Variants in PRKN observed in about 807,000 individuals in gnomAD.
PRKN encodes parkin RBR E3 ubiquitin protein ligase.
A neutral mutation model predicts 59.5 loss-of-function variants in PRKN; 56 were observed. The ratio of observed to expected loss-of-function variants is 0.94; its 90% CI spans 0.76 to 1.18. PRKN has a LOEUF of 1.18. Ranked by LOEUF, PRKN falls within the 50% of genes most tolerant of loss-of-function variation. PRKN has a pLI of 0.00. For synonymous variants in PRKN, 250 were observed against 222.1 expected (o/e 1.13, Z -1.12); for missense variants, 657 against 596.4 (o/e 1.10, Z -1.06).
intron 9 of PRKN, among the ~76,000 whole-genome samples, chr6:161,455,195 T>C (rs1431667731): frequency 6.6e-5 from 10 of 151,944 alleles, no homozygotes; most frequent in Admixed American, 6.6e-4. Flanking sequence ...CCTGCCACCA[T>C]GCCCGACTAA....
intron 1 of PRKN, among the ~76,000 whole-genome samples, chr6:162,702,502 C>CT (rs888484185): frequency 1.1e-4 from 17 of 152,136 alleles, no homozygotes; most frequent in Admixed American, 3.3e-4. Flanking sequence ...TCCCTACCTA[C>CT]TATCTTGATT....
chr6:162,374,225 A>G (rs961018419), intron 2 of PRKN, among the ~76,000 whole-genome samples: 2 of 152,184 alleles, frequency 1.3e-5, no homozygotes, highest in Non-Finnish European at 2.9e-5. Context: ...TCACTATTAT[A>G]AACATATTCA....
intron 6 of PRKN, among the ~76,000 whole-genome samples, chr6:161,808,495 A>G (rs1791428099): frequency 6.6e-6 from 1 of 152,212 alleles, no homozygotes; most frequent in Admixed American, 6.5e-5. Context: ...GTGTGTGTTG[A>G]AAGACACAGA....
intron 7 of PRKN, among the ~76,000 whole-genome samples, chr6:161,784,057 T>G (rs1790316732): frequency 6.6e-6 from 1 of 152,194 alleles, no homozygotes; most frequent in African/African-American, 2.4e-5. Context: ...AAATTAAGTT[T>G]TGAAGAATTA....
intron 3 of PRKN, among the ~76,000 whole-genome samples, chr6:162,243,563 T>C (rs1174107219): frequency 1.3e-5 from 2 of 152,168 alleles, no homozygotes; most frequent in South Asian, 2.1e-4. Context: ...ACGAGTTTAA[T>C]AGAGGTTTCT....
At chr6:162,430,523 G>A (rs914114474) in intron 2 of PRKN, among the ~76,000 whole-genome samples, 2 of 152,064 alleles carry the variant, frequency 1.3e-5, no homozygotes, top group African/African-American at 4.8e-5. Context: ...ATAAAAGACC[G>A]TTGAGTGAAC....
At chr6:162,104,564 C>T (rs908589747) in intron 4 of PRKN, among the ~76,000 whole-genome samples, 1 of 152,098 alleles carries the variant, frequency 6.6e-6, no homozygotes, top group South Asian at 2.1e-4. Context: ...GCTTCTCAGA[C>T]TCTGACGTGC....
chr6:162,167,440 A>G (rs934913524), intron 4 of PRKN, among the ~76,000 whole-genome samples: 1 of 152,160 alleles, frequency 6.6e-6, no homozygotes, highest in Non-Finnish European at 1.5e-5. Context: ...GAAGTGTGCT[A>G]TTGTTTTTAT....
chr6:162,113,949 C>A (rs1780554547), intron 4 of PRKN, among the ~76,000 whole-genome samples: 1 of 151,920 alleles, frequency 6.6e-6, no homozygotes, highest in Admixed American at 6.6e-5. Context: ...CCAGTTTTCC[C>A]AGCACCATTT....
chr6:161,912,899 G>A (rs185556200), intron 6 of PRKN, among the ~76,000 whole-genome samples: 105 of 152,212 alleles, frequency 6.9e-4, no homozygotes, highest in African/African-American at 2.1e-3. Context: ...GGGATAGGCC[G>A]GGTGCGGTGG....
chr6:162,313,414 A>ATGTGTC (rs1782611732), intron 2 of PRKN, among the ~76,000 whole-genome samples: 1 of 152,090 alleles, frequency 6.6e-6, no homozygotes, highest in Admixed American at 6.5e-5. Flanking sequence ...TTGTTGCTGC[A>ATGTGTC]TGTGTCAGGA....
intron 9 of PRKN, among the ~76,000 whole-genome samples, chr6:161,387,840 C>A (rs564154207): frequency 6.6e-6 from 1 of 152,220 alleles, no homozygotes; most frequent in Admixed American, 6.5e-5. Context: ...TTAGGGGAGG[C>A]CTTCTTCAAT....
At chr6:162,356,331 C>A (rs1477898978) in intron 2 of PRKN, among the ~76,000 whole-genome samples, 1 of 151,796 alleles carries the variant, frequency 6.6e-6, no homozygotes, top group Admixed American at 6.6e-5. Flanking sequence ...TCATAGCCGT[C>A]CCCCCACCCC....
Position 161,560,791 on chromosome 6 carries a change from G to A in PRKN, c.933+8564C>T, listed in dbSNP as rs558786244. Among the ~76,000 whole-genome samples the A allele has an allele frequency of 9.6e-4, 146 of 152,220 alleles. No homozygotes were observed. The highest frequency in any genetic ancestry group is 3.5e-3 in the African/African-American group (145 of 41,530). The stretch of plus-strand genomic sequence containing the variant: ...TTAAATTCTTCAACTTCATCAAGAC[G>A]TCTAATTAATTGGCCCCATATTTCC... On this transcript the variant is annotated intron_variant, in intron 8 of 11. Transcript: ENST00000366898. This position sits in a 1 kb window ranked among gnomAD's most constrained non-coding sequence, Gnocchi z 4.9.
intron 6 of PRKN, among the ~76,000 whole-genome samples, chr6:161,969,720 T>C (rs1316023969): frequency 1.3e-5 from 2 of 152,170 alleles, no homozygotes; most frequent in Non-Finnish European, 1.5e-5. Context: ...AGAAACTATA[T>C]TTACAGATAA....
At chr6:161,836,581 G>T (rs1792765497) in intron 6 of PRKN, among the ~76,000 whole-genome samples, 1 of 152,178 alleles carries the variant, frequency 6.6e-6, no homozygotes, top group Non-Finnish European at 1.5e-5. Flanking sequence ...ATTCTACACT[G>T]TGATTTTCTA....
chr6:161,876,659 T>C (rs1207877900), intron 6 of PRKN, among the ~76,000 whole-genome samples: 1 of 152,180 alleles, frequency 6.6e-6, no homozygotes, highest in Non-Finnish European at 1.5e-5. Flanking sequence ...CATCCAAGAT[T>C]AATATATCCC....
In PRKN at chr6:162,340,893, G is replaced by A. The variant is rs148881157; in HGVS notation, c.172-78128C>T. On this transcript the variant is annotated intron_variant, in intron 2 of 11. Transcript: ENST00000366898. Reference sequence around the variant, plus strand: ...TCATGACTAAAACACCAAAAGAAATGGCAACAAAAGCCAAACTTGACAAAT... The same window carrying A: ...TCATGACTAAAACACCAAAAGAAATAGCAACAAAAGCCAAACTTGACAAAT... Among the ~76,000 whole-genome samples the A allele has an allele frequency of 4.6e-3, 704 of 152,166 alleles. 14 individuals are homozygous for A. Among genetic ancestry groups the A allele is most frequent in the African/African-American group, 0.016 (679 of 41,524 alleles).
Position 161,448,061 on chromosome 6 carries a change from T to C in PRKN, c.1084-61184A>G, listed in dbSNP as rs952877015. Among the ~76,000 whole-genome samples, 3 of 152,204 alleles carry C rather than the reference T, an allele frequency of 2.0e-5. No individual in the cohort carries two copies. The highest frequency in any genetic ancestry group is 1.3e-4 in the Admixed American group (2 of 15,272). On this transcript the variant is annotated intron_variant, in intron 9 of 11. Transcript: ENST00000366898. The surrounding 1 kb of genome is among the most constrained non-coding windows in gnomAD (Gnocchi z 5.1). ...TCATTGTTATCTCTTTATAATAAAA[T>C]GCTAAGCAACCCCCTTAGAGTGAAG... is the stretch of plus-strand genomic sequence containing the variant.
Sources: gnomAD v4.1 joint callset for allele counts (sites outside exome capture counted in the v4.1 genomes callset) on GRCh38, gnomAD v4.1.1 for gene constraint, Gnocchi (gnomAD v3.1) non-coding constraint, MANE v1.5 for transcripts, NCBI Gene and HGNC (gene_info 2026-07-23, HGNC 2026-07-21) for gene names.